DOK5: variants seen among roughly 807,000 people sequenced by gnomAD.
The protein encoded by DOK5 is downstream of tyrosine kinase 5.
Under a neutral mutation model 43.3 loss-of-function variants are expected in DOK5, and 27 were observed. The observed-to-expected ratio is 0.62, with a 90% CI of 0.46 to 0.86. The LOEUF (loss-of-function observed/expected upper bound fraction) is 0.86. DOK5 is among the 40% of genes least tolerant of loss of function. DOK5 has a pLI of 0.00. For synonymous variants in DOK5, 146 were observed against 140.1 expected, an observed-to-expected ratio of 1.04 and a Z score of -0.30; for missense variants, 373 against 392.9, an observed-to-expected ratio of 0.95 and a Z score of 0.43.
At position 54,475,905 on chromosome 20, in the gene DOK5, G is replaced by A; in HGVS notation, c.-42G>A. The A allele has an allele frequency of 6.2e-7, 1 of 1,608,826 alleles. No individual in the cohort carries two copies. Among genetic ancestry groups the A allele is most frequent in the Non-Finnish European group, 8.5e-7 (1 of 1,178,616 alleles). ...TCCACCCTCCCCAGAGCCACTTCGG[G>A]TGCGCGCTCTTGGGTAAAGGGGGGG... On this transcript the variant is annotated 5_prime_UTR_variant, in exon 1 of 8. It adds an upstream start codon to the 5' untranslated region. Transcript: ENST00000262593. The surrounding 1 kb of genome is among the most constrained non-coding windows in gnomAD (Gnocchi z 4.2).
At chr20:54,522,962 C>G (rs1273851726) in intron 1 of DOK5, among the ~76,000 whole-genome samples, 1 of 152,112 alleles carries the variant, frequency 6.6e-6, no homozygotes, top group African/African-American at 2.4e-5. Flanking sequence ...AGTGGGTTTT[C>G]CATTTGTTGT....
chr20:54,643,038 A>G (rs1979198752), intron 6 of DOK5, among the ~76,000 whole-genome samples: 1 of 152,256 alleles, frequency 6.6e-6, no homozygotes, highest in Non-Finnish European at 1.5e-5. Context: ...CTCTGGGGAT[A>G]GATCAATGAA....
intron 6 of DOK5, among the ~76,000 whole-genome samples, chr20:54,613,108 C>T (rs1451905065): frequency 6.6e-6 from 1 of 151,934 alleles, no homozygotes; most frequent in Non-Finnish European, 1.5e-5. Flanking sequence ...ACTGGTTGGT[C>T]CAGATTGATC....
intron 2 of DOK5, among the ~76,000 whole-genome samples, chr20:54,574,262 C>G (rs1195752059): frequency 6.6e-6 from 1 of 152,036 alleles, no homozygotes; most frequent in African/African-American, 2.4e-5. Context: ...AGATAGACAC[C>G]TGTATCCACC....
intron 6 of DOK5, among the ~76,000 whole-genome samples, chr20:54,616,216 C>T (rs751077182): frequency 1.1e-4 from 17 of 152,166 alleles, no homozygotes; most frequent in Non-Finnish European, 2.4e-4. Context: ...AAACCACCAG[C>T]TTAGAAGGTA....
intron 2 of DOK5, among the ~76,000 whole-genome samples, chr20:54,575,848 A>G (rs1479980559): frequency 6.6e-6 from 1 of 152,272 alleles, no homozygotes; most frequent in African/African-American, 2.4e-5. Flanking sequence ...GTGAACACTC[A>G]TTACATTTAT....
At chr20:54,648,737 G>A (rs1397988542) in intron 7 of DOK5, among the ~76,000 whole-genome samples, 1 of 152,182 alleles carries the variant, frequency 6.6e-6, no homozygotes, top group Non-Finnish European at 1.5e-5. Flanking sequence ...CCTCAGCATG[G>A]CAGTGTCAGA....
chr20:54,477,058 C>T (rs1391945192), intron 1 of DOK5, among the ~76,000 whole-genome samples: 1 of 61,976 alleles, frequency 1.6e-5, no homozygotes, highest in Non-Finnish European at 3.3e-5. Context: ...GTGGCGGGGG[C>T]GGGGGGAGAA....
At chr20:54,513,120 C>A (rs779803759) in intron 1 of DOK5, among the ~76,000 whole-genome samples, 25 of 152,094 alleles carry the variant, frequency 1.6e-4, no homozygotes, top group African/African-American at 2.4e-4. Context: ...TAATAAGGGG[C>A]AGAATATGTT....
At chr20:54,507,735 G>T (rs1410948284) in intron 1 of DOK5, among the ~76,000 whole-genome samples, 1 of 152,150 alleles carries the variant, frequency 6.6e-6, no homozygotes, top group African/African-American at 2.4e-5. Flanking sequence ...ATAGAACTAG[G>T]CAAAGAACCT....
chr20:54,609,428 A>G (rs1434590910), intron 5 of DOK5, among the ~76,000 whole-genome samples: 1 of 152,140 alleles, frequency 6.6e-6, no homozygotes, highest in African/African-American at 2.4e-5. Context: ...ATATCCCTGC[A>G]TATGATTTTG....
At chr20:54,485,947 T>G (rs1347133566) in intron 1 of DOK5, among the ~76,000 whole-genome samples, 1 of 152,234 alleles carries the variant, frequency 6.6e-6, no homozygotes, top group Non-Finnish European at 1.5e-5. Context: ...TTGCCGTCCA[T>G]GTCAGTAAAA....
intron 5 of DOK5, among the ~76,000 whole-genome samples, chr20:54,602,762 C>T (rs1039107137): frequency 2.0e-5 from 3 of 152,052 alleles, no homozygotes; most frequent in Non-Finnish European, 4.4e-5. Context: ...GCAATCTCCA[C>T]CTCCCGGGTT....
chr20:54,543,478 C>T (rs1002755377), intron 1 of DOK5, among the ~76,000 whole-genome samples: 2 of 151,866 alleles, frequency 1.3e-5, no homozygotes, highest in Non-Finnish European at 2.9e-5. Context: ...AGGTAATTCT[C>T]AAAAGGTACT....
At chr20:54,611,776 A>G (rs1986659627) in intron 6 of DOK5, among the ~76,000 whole-genome samples, 1 of 152,216 alleles carries the variant, frequency 6.6e-6, no homozygotes, top group South Asian at 2.1e-4. Flanking sequence ...TTGAAACTTT[A>G]TGATTGAAAC....
chr20:54,650,526 A>C lies in DOK5; in HGVS notation c.*47A>C, dbSNP rs1376912699. On this transcript the variant is annotated 3_prime_UTR_variant, in exon 8 of 8. Transcript: ENST00000262593. Reference sequence around the variant, plus strand: ...AACACACTTGTGATGTGTCAGCCACAGATTCACCCAGGAGGTCACAGAATG... The same window carrying C: ...AACACACTTGTGATGTGTCAGCCACCGATTCACCCAGGAGGTCACAGAATG... 7 of 1,571,732 alleles carry C rather than the reference A, an allele frequency of 4.5e-6. No individual in the cohort carries two copies. In the African/African-American group the frequency reaches 9.4e-5, roughly 21 times the overall value.
At chr20:54,574,544 C>A (rs1049950614) in intron 2 of DOK5, among the ~76,000 whole-genome samples, 3 of 152,098 alleles carry the variant, frequency 2.0e-5, no homozygotes, top group Non-Finnish European at 4.4e-5. Flanking sequence ...AGAGTAAATT[C>A]TAAAGAGTTG....
chr20:54,602,535 TG>T (rs1986328612), intron 5 of DOK5, among the ~76,000 whole-genome samples: 1 of 152,166 alleles, frequency 6.6e-6, no homozygotes, highest in Non-Finnish European at 1.5e-5. Context: ...GGTTGAATAA[TG>T]GAGAAACATT....
At chr20:54,630,387 T>C (rs981243432) in intron 6 of DOK5, among the ~76,000 whole-genome samples, 11 of 152,298 alleles carry the variant, frequency 7.2e-5, no homozygotes, top group Middle Eastern at 3.4e-3. Context: ...AGGAAACCTG[T>C]ACTCGGAAGG....
Sources: allele counts gnomAD v4.1 joint callset (sites outside exome capture counted in the v4.1 genomes callset), GRCh38; gene constraint gnomAD v4.1.1; non-coding constraint Gnocchi (gnomAD v3.1); transcripts MANE v1.5; gene names NCBI Gene and HGNC (gene_info 2026-07-23, HGNC 2026-07-21).